The following CDAN1 variants were observed in gnomAD, a reference collection of about 807,000 sequenced individuals.
CDAN1 encodes the protein codanin 1.
A neutral mutation model predicts 139.8 loss-of-function variants in CDAN1; 107 were observed. That is an observed-to-expected ratio of 0.77 (90% CI 0.65 to 0.90). The LOEUF (loss-of-function observed/expected upper bound fraction) is 0.90. CDAN1 is among the 40% of genes least tolerant of loss of function. The pLI, the probability that CDAN1 is intolerant of heterozygous loss-of-function variation, is 0.00. For synonymous variants in CDAN1, 776 were observed against 660.6 expected, an observed-to-expected ratio of 1.17 and a Z score of -2.68; for missense variants, 1,667 against 1,575.7, an observed-to-expected ratio of 1.06 and a Z score of -0.98.
At position 42,732,375 on chromosome 15, in the gene CDAN1, G is replaced by A; in HGVS notation, c.1491C>T (p.Ser497=). Residue 497 remains serine, a synonymous_variant, in exon 10 of 28, where the codon AGC becomes AGT. Coordinates refer to ENST00000356231, the MANE Select transcript of CDAN1 (RefSeq NM_138477.4). ...GGAAAAGCCGAACAAAGTGGCTGTG[G>A]CTGCAGGCTGCGGAGAGCTGACCCA... is the stretch of plus-strand genomic sequence containing the variant. ...AMMGQLSAAC[S]HSHFVRLFQK... The A allele has an allele frequency of 6.2e-7, 1 of 1,614,154 alleles. No homozygotes were observed. Among genetic ancestry groups the A allele is most frequent in the Non-Finnish European group, 8.5e-7 (1 of 1,180,012 alleles).
rs778999414 is a variant in CDAN1 at position 42,729,640 on chromosome 15, G to A, written c.2353-18C>T. The A allele has an allele frequency of 1.9e-6, 3 of 1,613,828 alleles. No individual in the cohort carries two copies. The highest frequency in any genetic ancestry group is 2.2e-5 in the East Asian group (1 of 44,852). On this transcript the variant is annotated intron_variant, in intron 16 of 27. Coordinates refer to ENST00000356231, the MANE Select transcript of CDAN1 (RefSeq NM_138477.4). ...GCATTGTCCTGGGGAGAAAAGGTTG[G>A]TGTCAGCAGACTGCCCCTCCCCCAG...
chr15:42,734,316 C>G lies in CDAN1; in HGVS notation c.1167G>C (p.Leu389Phe). Residue 389 changes from leucine to phenylalanine, a missense_variant, in exon 7 of 28, where the codon TTG (leucine) becomes TTC (phenylalanine). By Grantham distance (22) the Leu-to-Phe change is conservative (BLOSUM62 0). Transcript: ENST00000356231. ...QVLSNLDKGT[L>F]KLLAENERLL... is the part of the protein sequence containing the mutation. ...GCCGCTCATTCTCAGCCAGCAGCTT[C>G]AAGGTCCCTTTGTCCAGGTTGGAAA... is the stretch of plus-strand genomic sequence containing the variant. The G allele has an allele frequency of 6.2e-7, 1 of 1,614,170 alleles. No individual in the cohort carries two copies. The highest frequency in any genetic ancestry group is 1.1e-5 in the South Asian group (1 of 91,086).
Position 42,735,417 on chromosome 15 carries a change from T to G in CDAN1, c.944-43A>C, listed in dbSNP as rs200615728. On this transcript the variant is annotated intron_variant, in intron 4 of 27. Coordinates refer to ENST00000356231, the MANE Select transcript of CDAN1 (RefSeq NM_138477.4). ...GAAAGCCCATGGTATGGGCACCATT[T>G]GGAGCCAAGGCTCAGTTCCAAGTGC... 2.8e-5 allele frequency: 44 copies of G among 1,593,602 alleles called. No individual in the cohort carries two copies. The East Asian group carries it at 9.5e-4, about 34-fold the overall frequency.
rs1454257725 is a variant in CDAN1, at chr15:42,726,136, G to T, written c.3229C>A (p.His1077Asn). 1 of 1,614,184 alleles carries T rather than the reference G, an allele frequency of 6.2e-7. No homozygotes were observed. The highest frequency in any genetic ancestry group is 1.7e-5 in the Admixed American group (1 of 60,024). Residue 1077 changes from histidine to asparagine, a missense_variant, in exon 25 of 28, where the codon CAT (histidine) becomes AAT (asparagine). Physicochemically the swap from His to Asn is moderately conservative, Grantham distance 68. Transcript: ENST00000356231. The stretch of plus-strand genomic sequence containing the variant: ...AACTCCACAGAGCACTTTGCCAGAT[G>T]CTGCTCAGCAGGTGGGCACAGGAAC... Reference protein sequence around the residue: ...RQFLCPPAEQHLAKCSVELAS... With the variant: ...RQFLCPPAEQNLAKCSVELAS...
rs1235217744 is a variant in CDAN1 at position 42,728,786 on chromosome 15, C to T, written c.2670G>A (p.Val890=). The change falls in exon 20 of 28, where the codon GTG becomes GTA. Residue 890 remains valine (V), a synonymous_variant. Coordinates refer to ENST00000356231, the MANE Select transcript of CDAN1 (RefSeq NM_138477.4). ...CTTGGAGAAGTGACTCTGCCTGGCG[C>T]ACCAGATCTGCCACCAGTGTAGCCC... ...HIKATLVADL[V]RQAESLLQEQ... is the part of the protein sequence containing the mutation. The T allele has an allele frequency of 2.5e-6, 4 of 1,614,064 alleles. No homozygotes were observed. The highest frequency in any genetic ancestry group is 3.4e-6 in the Non-Finnish European group (4 of 1,180,030).
chr15:42,735,700 A>C, intron 3 of CDAN1, 21 bp from the exon 4 acceptor site: 1 of 1,613,508 alleles, frequency 6.2e-7, no homozygotes, highest in Non-Finnish European at 8.5e-7. Context: ...AAGAAATTTC[A>C]TGAGCAGTCA....
At chr15:42,729,406 C>T in intron 17 of CDAN1, 44 bp from the exon 18 acceptor site, 3 of 1,613,064 alleles carry the variant, frequency 1.9e-6, no homozygotes, top group Non-Finnish European at 2.5e-6. Flanking sequence ...AACCCTCTCC[C>T]CTCCCTAAGT....
intron 24 of CDAN1, 70 bp from the exon 25 acceptor site, chr15:42,726,230 T>G: frequency 1.3e-6 from 2 of 1,592,574 alleles, no homozygotes; most frequent in Non-Finnish European, 8.6e-7. Flanking sequence ...GAACTGGCCC[T>G]GAGCCAGTGT....
At chr15:42,733,837 C>T (rs2061648931) in intron 8 of CDAN1, 101 bp downstream of exon 8, 1 of 866,602 alleles carries the variant, frequency 1.2e-6, no homozygotes, top group African/African-American at 1.7e-5. Context: ...TAACCCACCA[C>T]CTGTTGGTGC....
chr15:42,726,522 G>C, intron 23 of CDAN1, 105 bp from the exon 24 acceptor site: 2 of 889,708 alleles, frequency 2.2e-6, no homozygotes, highest in South Asian at 2.9e-5. Flanking sequence ...AGAAGAATGG[G>C]CCCCGGGATA....
Position 42,725,146 on chromosome 15 carries a change from C to T in CDAN1, c.3556G>A (p.Gly1186Arg), listed in dbSNP as rs371901013. The T allele has an allele frequency of 5.1e-5, 82 of 1,612,896 alleles. No individual in the cohort carries two copies. In the African/African-American group the frequency reaches 1.0e-3, roughly 20 times the overall value. ...CTAAAAGACAGGAGACTCCTTACCCCTGGCCACTGGGCCTGGTGGAGGCTG... is the reference window on the plus strand; with the variant it reads ...CTAAAAGACAGGAGACTCCTTACCCTTGGCCACTGGGCCTGGTGGAGGCTG... ...LGSLHQAQWP[G>R]DFAEELATLS... The change falls in exon 27 of 28, where the codon GGG (glycine) becomes AGG (arginine). Residue 1186 changes from glycine (G) to arginine (R), a missense_variant and splice_region_variant. Coordinates refer to ENST00000356231, the MANE Select transcript of CDAN1 (RefSeq NM_138477.4).
At position 42,733,201 on chromosome 15, in the gene CDAN1, CG is replaced by C; in HGVS notation, c.1368-16del. On this transcript the variant is annotated splice_polypyrimidine_tract_variant and intron_variant, in intron 8 of 27. Transcript: ENST00000356231. ...AAAACACATCCCTGACGCATAAGAA[CG>C]CCTGATCAGCCGAGGCACTCACTCC... 1 of 1,611,956 alleles carries C rather than the reference CG, an allele frequency of 6.2e-7. No individual in the cohort carries two copies. Among genetic ancestry groups the C allele is most frequent in the Non-Finnish European group, 8.5e-7 (1 of 1,178,060 alleles).
rs781502079 is a variant in CDAN1, at chr15:42,731,679, T to C, written c.1680A>G (p.Pro560=). 1 of 1,613,668 alleles carries C rather than the reference T, an allele frequency of 6.2e-7. No homozygotes were observed. The highest frequency in any genetic ancestry group is 8.5e-7 in the Non-Finnish European group (1 of 1,179,860). ...MAPQSSGGPC[P]PPTFPGCQGF... ...CTTGACAGCCTGGGAAGGTGGGGGG[T>C]GGGCAGGGCCCCCCACTGCTCTGAG... is the stretch of plus-strand genomic sequence containing the variant. Residue 560 remains proline (P), a synonymous_variant, in exon 11 of 28, where the codon CCA becomes CCG. Transcript: ENST00000356231.
At chr15:42,735,802 C>A in intron 3 of CDAN1, 73 bp downstream of exon 3, 1 of 1,597,870 alleles carries the variant, frequency 6.3e-7, no homozygotes, top group Non-Finnish European at 8.6e-7. Context: ...AGAGGGAAAT[C>A]AATTTCAGGG....
Position 42,728,700 on chromosome 15 carries a change from C to A in CDAN1, c.2756G>T (p.Cys919Phe). Residue 919 changes from cysteine to phenylalanine, a missense_variant, in exon 20 of 28, where the codon TGT (cysteine) becomes TTT (phenylalanine). By Grantham distance (205) the Cys-to-Phe change is radical. Transcript: ENST00000356231. ...GDPAQLLEIL[C>F]SQLCPHGAQA... ...GGCCCCGTGAGGGCACAGCTGGGAA[C>A]ACAAGATCTCCAACAGCTGGGCTGG... The A allele has an allele frequency of 6.2e-7, 1 of 1,614,192 alleles. No individual in the cohort carries two copies. The highest frequency in any genetic ancestry group is 1.3e-5 in the African/African-American group (1 of 75,044).
chr15:42,731,132 CTG>C, intron 12 of CDAN1, 61 bp from the exon 13 acceptor site: 1 of 1,614,166 alleles, frequency 6.2e-7, no homozygotes, highest in Non-Finnish European at 8.5e-7. Context: ...AATTCCCGAT[CTG>C]TTATAAAGTT....
chr15:42,730,772 G>A lies in CDAN1; in HGVS notation c.2008-8C>T, dbSNP rs201733620. 2.5e-4 allele frequency: 407 copies of A among 1,612,234 alleles called. 1 individual carries two copies. Among genetic ancestry groups the A allele is most frequent in the Non-Finnish European group, 6.7e-5 (79 of 1,179,164 alleles). On this transcript the variant is annotated splice_region_variant and splice_polypyrimidine_tract_variant and intron_variant, in intron 13 of 27. Transcript: ENST00000356231. ...ATCCAGGACCGGAGGGACCTGGGAG[G>A]GCCAGAGCTCAGTCAGGGGGCAGGT... is the stretch of plus-strand genomic sequence containing the variant.
At chr15:42,725,334 G>A (rs563878634) in intron 26 of CDAN1, 83 bp from the exon 27 acceptor site, 2 of 1,492,518 alleles carry the variant, frequency 1.3e-6, no homozygotes, top group African/African-American at 1.4e-5. Flanking sequence ...AAAGGGCAGA[G>A]CTGCTGGGAA....
At chr15:42,731,528 G>A in intron 11 of CDAN1, 92 bp downstream of exon 11, 2 of 1,478,504 alleles carry the variant, frequency 1.4e-6, no homozygotes, top group South Asian at 1.1e-5. Context: ...CCTATCTCCA[G>A]GCAAAGGAGA....
Sources: gnomAD v4.1 joint callset for allele counts on GRCh38, gnomAD v4.1.1 for gene constraint, MANE v1.5 for transcripts, NCBI Gene and HGNC (gene_info 2026-07-23, HGNC 2026-07-21) for gene names.